CCDC80: variants seen among roughly 807,000 people sequenced by gnomAD.
The protein encoded by CCDC80 is coiled-coil domain-containing protein 80.
In CCDC80, 49 loss-of-function variants were observed where a neutral mutation model predicts 78.7. The observed-to-expected ratio is 0.62, with a 90% CI of 0.50 to 0.79. The LOEUF (loss-of-function observed/expected upper bound fraction) is 0.79, where lower values mean the gene tolerates loss of function less well. CCDC80 is among the 30% of genes least tolerant of loss of function. CCDC80 has a pLI of 0.00. For missense variants in CCDC80, 1,205 were observed against 1,198.6 expected (o/e 1.01, Z -0.08); for synonymous variants, 488 against 447.0 (o/e 1.09, Z -1.16).
chr3:112,633,938 C>T (rs1419945760), intron 2 of CCDC80, among the ~76,000 whole-genome samples: 1 of 152,260 alleles, frequency 6.6e-6, no homozygotes, highest in South Asian at 2.1e-4. Context: ...TAAATCAGGG[C>T]ATGTATCATG....
At chr3:112,619,469 C>A (rs571002776) in intron 3 of CCDC80, among the ~76,000 whole-genome samples, 6 of 152,062 alleles carry the variant, frequency 3.9e-5, no homozygotes, top group Non-Finnish European at 7.4e-5. Flanking sequence ...CTGGACCGAC[C>A]CAGACAATTT....
At chr3:112,637,982 GC>G in intron 2 of CCDC80, 45 bp downstream of exon 2, 1 of 1,550,050 alleles carries the variant, frequency 6.5e-7, no homozygotes, top group Non-Finnish European at 8.6e-7. Flanking sequence ...ACGTTAACAT[GC>G]CCTGCCTCAG....
chr3:112,607,677 T>C (rs1935542424), intron 6 of CCDC80, among the ~76,000 whole-genome samples: 1 of 152,006 alleles, frequency 6.6e-6, no homozygotes, highest in Non-Finnish European at 1.5e-5. Flanking sequence ...TCCCAGCTAC[T>C]CGGGAGGGTG....
intron 3 of CCDC80, among the ~76,000 whole-genome samples, chr3:112,621,501 C>T (rs1430617693): frequency 1.3e-5 from 2 of 152,186 alleles, no homozygotes; most frequent in Non-Finnish European, 2.9e-5. Flanking sequence ...ATCAGCTGAA[C>T]CCTAGAAACT....
chr3:112,625,185 C>A (rs1418911586), intron 3 of CCDC80, among the ~76,000 whole-genome samples: 4 of 152,162 alleles, frequency 2.6e-5, no homozygotes, highest in Non-Finnish European at 4.4e-5. Context: ...AAATGCAAAT[C>A]AATACTACCC....
At position 112,605,143 on chromosome 3, in the gene CCDC80, T is replaced by C. The variant is rs1445161629; in HGVS notation, c.*274A>G. 3.4e-6 allele frequency: 1 copy of C among 291,828 alleles called. No individual in the cohort carries two copies. The highest frequency in any genetic ancestry group is 6.3e-6 in the Non-Finnish European group (1 of 159,994). The allele number at this position is 291,828 out of a possible 1,614,324, so 18.1% of individuals were successfully genotyped here. A position where few individuals can be genotyped will look rare whatever the true frequency, so the allele number is the denominator to read the frequency against. On this transcript the variant is annotated 3_prime_UTR_variant, in exon 8 of 8. Transcript: ENST00000206423. ...TTTATATGCCAAATAAGGTCCTTCA[T>C]ATAAGAAAAGGAAAATAATATCAAT...
chr3:112,637,904 T>G lies in CCDC80; in HGVS notation c.1878+124A>C, dbSNP rs1936238179. ...TCTTTTGCCAGACTTCTGAGCTTCTTGACACAGTACAGGTTCAGTCACAGT... is the reference window on the plus strand; with the variant it reads ...TCTTTTGCCAGACTTCTGAGCTTCTGGACACAGTACAGGTTCAGTCACAGT... On this transcript the variant is annotated intron_variant, in intron 2 of 7. Coordinates refer to ENST00000206423, the MANE Select transcript of CCDC80 (RefSeq NM_199511.3). 4.8e-6 allele frequency: 7 copies of G among 1,453,526 alleles called. No homozygotes were observed. In the South Asian group the frequency reaches 1.0e-4, roughly 21 times the overall value. The allele number at this position is 1,453,526 out of a possible 1,614,324, so 90.0% of individuals were successfully genotyped here.
chr3:112,605,891 C>A, intron 7 of CCDC80, 128 bp from the exon 8 acceptor site: 2 of 762,418 alleles, frequency 2.6e-6, no homozygotes, highest in Non-Finnish European at 4.2e-6. Flanking sequence ...AGTTCAAAAT[C>A]TAATTAAAGA....
In CCDC80 at chr3:112,597,000, A is replaced by G. The variant is rs887571928; in HGVS notation, c.*8417T>C. The G allele has an allele frequency of 1.3e-5, 2 of 152,154 alleles. No homozygotes were observed. The highest frequency in any genetic ancestry group is 2.4e-5 in the African/African-American group (1 of 41,444). 9.4% of individuals were successfully genotyped at this position (152,154 alleles called of 1,614,324 possible). ...CTTTGAGAGTTCAATGTCATTCCCA[A>G]CAGGGTCTTTATGTCTGTCTGGTCA... On this transcript the variant is annotated 3_prime_UTR_variant, in exon 8 of 8. Coordinates refer to ENST00000206423, the MANE Select transcript of CCDC80 (RefSeq NM_199511.3).
At chr3:112,626,192 C>T (rs897607572) in intron 3 of CCDC80, among the ~76,000 whole-genome samples, 3 of 152,144 alleles carry the variant, frequency 2.0e-5, no homozygotes, top group Non-Finnish European at 4.4e-5. Flanking sequence ...GAGACAGGCT[C>T]TCTAGTCTCT....
chr3:112,613,365 A>G (rs1935670682), intron 5 of CCDC80, among the ~76,000 whole-genome samples: 1 of 152,214 alleles, frequency 6.6e-6, no homozygotes, highest in South Asian at 2.1e-4. Flanking sequence ...TATCCATAAA[A>G]GATGTATATT....
Position 112,599,287 on chromosome 3 carries a change from T to A in CCDC80, c.*6130A>T, listed in dbSNP as rs2280066. On this transcript the variant is annotated 3_prime_UTR_variant, in exon 8 of 8. Transcript: ENST00000206423. ...TCTGTGACAGCTGGCCCTTTGCCCCTCATCACCAAATCTTAACTCTTTGGA... is the reference window on the plus strand; with the variant it reads ...TCTGTGACAGCTGGCCCTTTGCCCCACATCACCAAATCTTAACTCTTTGGA... 0.73 allele frequency: 111,766 copies of A among 152,108 alleles called. 45,771 individuals carry two copies. The highest frequency in any genetic ancestry group is 0.92 in the Non-Finnish European group (62,373 of 68,018). The allele number at this position is 152,108 out of a possible 1,614,324, so 9.4% of individuals were successfully genotyped here.
At chr3:112,608,828 G>C (rs1935566316) in intron 6 of CCDC80, among the ~76,000 whole-genome samples, 1 of 152,098 alleles carries the variant, frequency 6.6e-6, no homozygotes, top group African/African-American at 2.4e-5. Flanking sequence ...ACTATTATGA[G>C]TTTGGTTTTG....
In CCDC80 at chr3:112,617,097, A is replaced by G. The variant is rs538347447; in HGVS notation, c.2173-239T>C. Among the ~76,000 whole-genome samples, 17 of 152,220 alleles carry G rather than the reference A, an allele frequency of 1.1e-4. 1 individual carries two copies. The highest frequency in any genetic ancestry group is 1.0e-3 in the Admixed American group (16 of 15,282). ...AGTAATTCTTAACTACGCTCCTTTT[A>G]TTGGAAAGGGTCCATGCCTTCCTCA... On this transcript the variant is annotated intron_variant, in intron 4 of 7. Coordinates refer to ENST00000206423, the MANE Select transcript of CCDC80 (RefSeq NM_199511.3).
rs946841472 is a variant in CCDC80 at position 112,622,364 on chromosome 3, C to T, written c.2036-3260G>A. On this transcript the variant is annotated intron_variant, in intron 3 of 7. Coordinates refer to ENST00000206423, the MANE Select transcript of CCDC80 (RefSeq NM_199511.3). Reference sequence around the variant, plus strand: ...TCTGCCAAAGCAAAACAATGAAAGTCCTAATCAACACTGCATCAGACTAGG... The same window carrying T: ...TCTGCCAAAGCAAAACAATGAAAGTTCTAATCAACACTGCATCAGACTAGG... Among the ~76,000 whole-genome samples, 9 of 152,150 alleles carry T rather than the reference C, an allele frequency of 5.9e-5. No individual in the cohort carries two copies. In the South Asian group the frequency reaches 1.0e-3, roughly 18 times the overall value.
At chr3:112,607,684 G>T (rs1935542604) in intron 6 of CCDC80, among the ~76,000 whole-genome samples, 1 of 152,134 alleles carries the variant, frequency 6.6e-6, no homozygotes, top group African/African-American at 2.4e-5. Context: ...TACTCGGGAG[G>T]GTGAGACAGG....
Position 112,638,020 on chromosome 3 carries a change from C to T in CCDC80, c.1878+8G>A, listed in dbSNP as rs1936241009. On this transcript the variant is annotated splice_region_variant and intron_variant, in intron 2 of 7. Transcript: ENST00000206423. ...CCATAGAAGAATGCCAAGGAGAAGGCTACTTACAAGGAGTCTTCGTTTGCC... is the reference window on the plus strand; with the variant it reads ...CCATAGAAGAATGCCAAGGAGAAGGTTACTTACAAGGAGTCTTCGTTTGCC... 1.5e-5 allele frequency: 24 copies of T among 1,585,006 alleles called. No individual in the cohort carries two copies. Among genetic ancestry groups the T allele is most frequent in the South Asian group, 2.3e-5 (2 of 85,346 alleles).
intron 2 of CCDC80, among the ~76,000 whole-genome samples, chr3:112,631,528 GC>G (rs1320238511): frequency 2.0e-5 from 3 of 152,150 alleles, no homozygotes; most frequent in Non-Finnish European, 4.4e-5. Flanking sequence ...AAATTTATCA[GC>G]CAATTTTCTT....
At position 112,638,532 on chromosome 3, in the gene CCDC80, A is replaced by T; in HGVS notation, c.1374T>A (p.Ala458=). The T allele has an allele frequency of 6.2e-7, 1 of 1,614,050 alleles. No individual in the cohort carries two copies. The highest frequency in any genetic ancestry group is 1.7e-5 in the Admixed American group (1 of 60,020). The part of the protein sequence containing the change: ...TTISEPSTRA[A]GPGRFRDNRM... ...GGTTGTCCCGGAAACGGCCTGGGCC[A>T]GCAGCCCTTGTGCTGGGTTCTGAGA... is the stretch of plus-strand genomic sequence containing the variant. The change falls in exon 2 of 8, where the codon GCT becomes GCA. Residue 458 remains alanine, a synonymous_variant. Transcript: ENST00000206423.
Sources: gnomAD v4.1 joint callset for allele counts (sites outside exome capture counted in the v4.1 genomes callset) on GRCh38, gnomAD v4.1.1 for gene constraint, MANE v1.5 for transcripts, NCBI Gene and HGNC (gene_info 2026-07-23, HGNC 2026-07-21) for gene names.